Variants in AMBN observed in about 807,000 individuals in gnomAD.
AMBN encodes the protein ameloblastin, also known as enamel matrix protein.
A neutral mutation model predicts 48.0 loss-of-function variants in AMBN; 54 were observed. The ratio of observed to expected loss-of-function variants is 1.12; its 90% CI spans 0.90 to 1.41. The LOEUF (loss-of-function observed/expected upper bound fraction) is 1.41, where lower values mean the gene tolerates loss of function less well. AMBN is among the 40% of genes most tolerant of loss of function. The pLI is 0.00. For missense variants in AMBN, 571 were observed against 547.3 expected, an observed-to-expected ratio of 1.04 and a Z score of -0.43; for synonymous variants, 186 against 190.0, an observed-to-expected ratio of 0.98 and a Z score of 0.17.
chr4:70,593,508 A>C (rs1386164268), intron 2 of AMBN, 113 bp downstream of exon 2: 1 of 908,610 alleles, frequency 1.1e-6, no homozygotes, highest in Non-Finnish European at 1.7e-6. Flanking sequence ...GATTTAATCC[A>C]GTGGTTTAGT....
At chr4:70,603,074 A>T (rs1292083478) in intron 9 of AMBN, 64 bp downstream of exon 9, 1 of 1,527,008 alleles carries the variant, frequency 6.5e-7, no homozygotes, top group African/African-American at 1.4e-5. Context: ...AAAAAATAAG[A>T]GTGAATTTTT....
chr4:70,606,935 G>A lies in AMBN; in HGVS notation c.*205G>A, dbSNP rs191503725. 2 of 583,506 alleles carry A rather than the reference G, an allele frequency of 3.4e-6. No individual in the cohort carries two copies. The highest frequency in any genetic ancestry group is 3.7e-5 in the African/African-American group (2 of 53,748). The allele number at this position is 583,506 out of a possible 1,614,324, so 36.1% of individuals were successfully genotyped here. A position where few individuals can be genotyped will look rare whatever the true frequency, so the allele number is the denominator to read the frequency against. On this transcript the variant is annotated 3_prime_UTR_variant, in exon 13 of 13. Transcript: ENST00000322937. ...CTTGTTGAAATAAAATGTGTCAATTGTCTCTGTGATTTAGAAACACTATTA... is the reference window on the plus strand; with the variant it reads ...CTTGTTGAAATAAAATGTGTCAATTATCTCTGTGATTTAGAAACACTATTA...
At position 70,597,024 on chromosome 4, in the gene AMBN, C is replaced by G. The variant is rs781488282; in HGVS notation, c.110C>G (p.Pro37Arg). The change falls in exon 3 of 13, where the codon CCG becomes CGG. Residue 37 changes from proline to arginine, a missense_variant. Physicochemically the swap from Pro to Arg is moderately radical, Grantham distance 103. Transcript: ENST00000322937. ...VPFFPQQSGT[P>R]GMASLSLETM... is the part of the protein sequence containing the mutation. ...TTCTTTCCTCAGCAATCTGGAACAC[C>G]GGGTATGGCTAGTTTGAGCCTTGAG... is the stretch of plus-strand genomic sequence containing the variant. 5.6e-6 allele frequency: 9 copies of G among 1,613,088 alleles called. No individual in the cohort carries two copies. The African/African-American group carries it at 9.3e-5, about 17-fold the overall frequency.
rs765076338 is a variant in AMBN at position 70,597,025 on chromosome 4, G to A, written c.111G>A (p.Pro37=). The A allele has an allele frequency of 1.2e-5, 20 of 1,613,160 alleles. No homozygotes were observed. The highest frequency in any genetic ancestry group is 2.7e-5 in the African/African-American group (2 of 74,904). ...VPFFPQQSGT[P]GMASLSLETM... is the part of the protein sequence containing the mutation. The stretch of plus-strand genomic sequence containing the variant: ...TCTTTCCTCAGCAATCTGGAACACC[G>A]GGTATGGCTAGTTTGAGCCTTGAGG... Residue 37 remains proline, a synonymous_variant, in exon 3 of 13, where the codon CCG becomes CCA. Coordinates refer to ENST00000322937, the MANE Select transcript of AMBN (RefSeq NM_016519.6).
chr4:70,606,542 C>A lies in AMBN; in HGVS notation c.1156C>A (p.Leu386Met), dbSNP rs750930274. Residue 386 changes from leucine to methionine, a missense_variant, in exon 13 of 13, where the codon CTG becomes ATG. Coordinates refer to ENST00000322937, the MANE Select transcript of AMBN (RefSeq NM_016519.6). ...CGTCACCCCAGCAGCTGCTGACCCA[C>A]TGATGACCCCTGAATTAGCTGATGT... The part of the protein sequence containing the change: ...PSVTPAAADP[L>M]MTPELADVYR... 1.2e-6 allele frequency: 2 copies of A among 1,614,150 alleles called. No individual in the cohort carries two copies. Among genetic ancestry groups the A allele is most frequent in the South Asian group, 2.2e-5 (2 of 91,086 alleles).
chr4:70,603,834 G>C, intron 11 of AMBN, 43 bp from the exon 12 acceptor site: 1 of 1,606,264 alleles, frequency 6.2e-7, no homozygotes, highest in Admixed American at 1.7e-5. Flanking sequence ...TAGATAAGAA[G>C]GTAGCTGGTT....
chr4:70,597,719 C>T (rs530934998), intron 3 of AMBN, among the ~76,000 whole-genome samples: 14 of 152,132 alleles, frequency 9.2e-5, no homozygotes, highest in South Asian at 4.2e-4. Context: ...TTGAGCTAGA[C>T]GCTTATTTCA....
rs1253381178 is a variant in AMBN at position 70,602,310 on chromosome 4, C to A, written c.532-314C>A. 2.0e-5 allele frequency among the ~76,000 whole-genome samples: 3 copies of A among 152,134 alleles called. No individual in the cohort carries two copies. The East Asian group carries it at 5.8e-4, about 29-fold the overall frequency. On this transcript the variant is annotated intron_variant, in intron 6 of 12. Transcript: ENST00000322937. ...GTGGCAGAGCCAGGGTTCAAACCAA[C>A]CAGGTATGTTCCAGTTCCAAAATTC... is the stretch of plus-strand genomic sequence containing the variant.
chr4:70,603,989 C>A (rs1737585622), intron 12 of AMBN, 68 bp downstream of exon 12: 1 of 1,493,656 alleles, frequency 6.7e-7, no homozygotes, highest in Admixed American at 1.7e-5. Flanking sequence ...TGACTGGCTG[C>A]AAGAGACGTC....
rs530195571 is a variant in AMBN at position 70,607,084 on chromosome 4, C to CT, written c.*360dup. On this transcript the variant is annotated 3_prime_UTR_variant, in exon 13 of 13. Coordinates refer to ENST00000322937, the MANE Select transcript of AMBN (RefSeq NM_016519.6). ...ATTATATTCAGGAAACATGGCACTG[C>CT]TTTTTTCTCTAAGCAAAGGCAAATA... The CT allele has an allele frequency of 1.5e-4, 28 of 180,954 alleles. No homozygotes were observed. The highest frequency in any genetic ancestry group is 2.9e-4 in the Non-Finnish European group (25 of 86,556). 11.2% of individuals were successfully genotyped at this position (180,954 alleles called of 1,614,324 possible). A position where few individuals can be genotyped will look rare whatever the true frequency, so the allele number is the denominator to read the frequency against.
chr4:70,603,887 C>A lies in AMBN; in HGVS notation c.764C>A (p.Ala255Asp). 2 of 1,613,818 alleles carry A rather than the reference C, an allele frequency of 1.2e-6. No individual in the cohort carries two copies. The highest frequency in any genetic ancestry group is 1.7e-6 in the Non-Finnish European group (2 of 1,179,878). The change falls in exon 12 of 13, where the codon GCC becomes GAC. Residue 255 changes from alanine to aspartate, a missense_variant. Ala to Asp is a moderately radical substitution (Grantham distance 126). Coordinates refer to ENST00000322937, the MANE Select transcript of AMBN (RefSeq NM_016519.6). ...PFGANQLNAP[A>D]RLGIMSSEEV... ...TTTCTTTTTGAACAGAATGCCCCTG[C>A]CAGACTTGGCATCATGAGTTCAGAA...
At chr4:70,598,477 A>G in intron 4 of AMBN, 74 bp downstream of exon 4, 1 of 1,230,506 alleles carries the variant, frequency 8.1e-7, no homozygotes. Flanking sequence ...ATAATTCATC[A>G]AATTTATTTA....
intron 12 of AMBN, among the ~76,000 whole-genome samples, chr4:70,605,918 C>T (rs1737630893): frequency 6.6e-6 from 1 of 152,178 alleles, no homozygotes; most frequent in Non-Finnish European, 1.5e-5. Context: ...AATTCAAACT[C>T]ACCTTTGCCT....
chr4:70,594,933 G>A (rs1359562068), intron 2 of AMBN, among the ~76,000 whole-genome samples: 1 of 152,158 alleles, frequency 6.6e-6, no homozygotes, highest in Non-Finnish European at 1.5e-5. Flanking sequence ...ATACATTCGT[G>A]TAAATATTCT....
rs1178676422 is a variant in AMBN at position 70,606,743 on chromosome 4, A to G, written c.*13A>G. The G allele has an allele frequency of 6.3e-7, 1 of 1,595,246 alleles. No individual in the cohort carries two copies. The highest frequency in any genetic ancestry group is 8.5e-7 in the Non-Finnish European group (1 of 1,170,304). On this transcript the variant is annotated 3_prime_UTR_variant, in exon 13 of 13. Transcript: ENST00000322937. ...CCAAGAGCCCTGACAGCTCTAAGAT[A>G]TTAGCTACTTTCTGTATGCACAAGC...
In AMBN at chr4:70,607,072, A is replaced by G. The variant is rs77381490; in HGVS notation, c.*342A>G. 0.025 allele frequency: 4,736 copies of G among 193,040 alleles called. 251 individuals carry two copies. The highest frequency in any genetic ancestry group is 0.1 in the African/African-American group (4,408 of 42,924). 12.0% of individuals were successfully genotyped at this position (193,040 alleles called of 1,614,324 possible). ...CAGCATGACACTATTATATTCAGGA[A>G]ACATGGCACTGCTTTTTTCTCTAAG... On this transcript the variant is annotated 3_prime_UTR_variant, in exon 13 of 13. Coordinates refer to ENST00000322937, the MANE Select transcript of AMBN (RefSeq NM_016519.6).
Position 70,606,631 on chromosome 4 carries a change from TACCACGATGGC to T in AMBN, c.1246_1256del (p.Thr416ProfsTer21), listed in dbSNP as rs766935881. 4.3e-6 allele frequency: 7 copies of T among 1,614,094 alleles called. No individual in the cohort carries two copies. The South Asian group carries it at 7.7e-5, about 18-fold the overall frequency. On this transcript the variant is annotated frameshift_variant, in exon 13 of 13. Coordinates refer to ENST00000322937, the MANE Select transcript of AMBN (RefSeq NM_016519.6). LOFTEE classifies it low-confidence loss of function (END_TRUNC). Reference sequence around the variant, plus strand: ...ATTTCCAGGAAGAAGCAACCATGGATACCACGATGGCCCCAAACTCTCTGCAAACATCCATG... The same window carrying T: ...ATTTCCAGGAAGAAGCAACCATGGATCCCAAACTCTCTGCAAACATCCATG...
At chr4:70,596,926 T>C in intron 2 of AMBN, 73 bp from the exon 3 acceptor site, 1 of 1,370,124 alleles carries the variant, frequency 7.3e-7, no homozygotes, top group South Asian at 1.2e-5. Flanking sequence ...ACTGGAGCAA[T>C]ATCCTACGCC....
chr4:70,606,477 T>C lies in AMBN; in HGVS notation c.1091T>C (p.Leu364Pro). 6.2e-7 allele frequency: 1 copy of C among 1,613,960 alleles called. No individual in the cohort carries two copies. Among genetic ancestry groups the C allele is most frequent in the Non-Finnish European group, 8.5e-7 (1 of 1,179,966 alleles). Residue 364 changes from leucine to proline, a missense_variant, in exon 13 of 13, where the codon CTG becomes CCG. Leu to Pro is a moderately conservative substitution (Grantham distance 98). Transcript: ENST00000322937. ...CTCCCTAAGGATGACATTCCCGGCC[T>C]GCCAAGGAGCCCTTCAGGGAAGATG... is the stretch of plus-strand genomic sequence containing the variant. Reference protein sequence around the residue: ...LALPKDDIPGLPRSPSGKMKG... With the variant: ...LALPKDDIPGPPRSPSGKMKG...
Sources: gnomAD v4.1 joint callset for allele counts (sites outside exome capture counted in the v4.1 genomes callset) on GRCh38, gnomAD v4.1.1 for gene constraint, MANE v1.5 for transcripts, NCBI Gene and HGNC (gene_info 2026-07-23, HGNC 2026-07-21) for gene names.